The following PTPRD variants were observed in gnomAD, a reference collection of about 807,000 sequenced individuals.
PTPRD encodes the protein receptor-type tyrosine-protein phosphatase delta.
A neutral mutation model predicts 214.5 loss-of-function variants in PTPRD; 34 were observed. The ratio of observed to expected loss-of-function variants is 0.16; its 90% CI spans 0.12 to 0.21. The LOEUF (loss-of-function observed/expected upper bound fraction) is 0.21. Ranked by LOEUF, PTPRD falls within the 10% of genes least tolerant of loss-of-function variation. The pLI, the probability that PTPRD is intolerant of heterozygous loss-of-function variation, is 1.00. For missense variants in PTPRD, 2,545 were observed against 2,398.7 expected (o/e 1.06, Z -1.27); for synonymous variants, 1,128 against 845.7 (o/e 1.33, Z -5.79).
chr9:9,563,765 A>G (rs1591671562), intron 8 of PTPRD, among the ~76,000 whole-genome samples: 1 of 152,164 alleles, frequency 6.6e-6, no homozygotes, highest in South Asian at 2.1e-4. Flanking sequence ...TCATTAATAC[A>G]TTGGTATGCC....
intron 8 of PTPRD, among the ~76,000 whole-genome samples, chr9:9,556,437 C>T (rs2081527019): frequency 6.6e-6 from 1 of 152,056 alleles, no homozygotes; most frequent in Admixed American, 6.6e-5. Context: ...ACCTGCCAGT[C>T]CAAATCTTTA....
intron 2 of PTPRD, among the ~76,000 whole-genome samples, chr9:10,554,432 T>C (rs1255942353): frequency 1.3e-5 from 2 of 152,084 alleles, no homozygotes; most frequent in African/African-American, 2.4e-5. Flanking sequence ...ACTTAGAAAC[T>C]TTCAGAGTAA....
intron 9 of PTPRD, among the ~76,000 whole-genome samples, chr9:9,378,535 A>G (rs918812244): frequency 2.2e-4 from 33 of 152,138 alleles, no homozygotes; most frequent in African/African-American, 6.3e-4. Context: ...CATAAATACT[A>G]TGGAGATTGT....
At chr9:8,580,563 T>C (rs1198390597) in intron 14 of PTPRD, among the ~76,000 whole-genome samples, 5 of 152,198 alleles carry the variant, frequency 3.3e-5, no homozygotes, top group African/African-American at 1.2e-4. Flanking sequence ...GTCTGAACTA[T>C]CAGGGAAGTC....
chr9:9,482,997 C>G (rs578106441), intron 8 of PTPRD, among the ~76,000 whole-genome samples: 1 of 152,244 alleles, frequency 6.6e-6, no homozygotes, highest in East Asian at 1.9e-4. Flanking sequence ...GTTGATTTTT[C>G]TTCTCCATCT....
At chr9:9,138,690 G>T (rs960310516) in intron 10 of PTPRD, among the ~76,000 whole-genome samples, 8 of 152,090 alleles carry the variant, frequency 5.3e-5, no homozygotes, top group Non-Finnish European at 1.2e-4. Flanking sequence ...TGAACGTTAT[G>T]AGCAGTAATT....
intron 3 of PTPRD, among the ~76,000 whole-genome samples, chr9:10,283,276 C>T (rs2095217113): frequency 6.6e-6 from 1 of 152,122 alleles, no homozygotes; most frequent in Non-Finnish European, 1.5e-5. Flanking sequence ...CTGGTCCTTT[C>T]ATCCATAAGA....
At chr9:8,832,970 G>A (rs2097329892) in intron 11 of PTPRD, among the ~76,000 whole-genome samples, 1 of 151,934 alleles carries the variant, frequency 6.6e-6, no homozygotes, top group Non-Finnish European at 1.5e-5. Flanking sequence ...CTAGAAAGCT[G>A]TAACATGAAA....
At chr9:10,358,495 C>T (rs2097317697) in intron 2 of PTPRD, among the ~76,000 whole-genome samples, 2 of 151,738 alleles carry the variant, frequency 1.3e-5, no homozygotes, top group East Asian at 1.9e-4. Context: ...GTTTGGCACC[C>T]TAGTATTTAT....
At chr9:9,086,176 T>C (rs1179807453) in intron 10 of PTPRD, among the ~76,000 whole-genome samples, 2 of 152,222 alleles carry the variant, frequency 1.3e-5, no homozygotes, top group African/African-American at 4.8e-5. Flanking sequence ...TATACATTTT[T>C]CACTAAAGAT....
intron 7 of PTPRD, among the ~76,000 whole-genome samples, chr9:9,693,370 C>T (rs1204486170): frequency 1.3e-5 from 2 of 152,030 alleles, no homozygotes; most frequent in Non-Finnish European, 2.9e-5. Context: ...TATAGTTTTT[C>T]CTGTACTCTC....
At chr9:10,205,748 G>C (rs2099471101) in intron 3 of PTPRD, among the ~76,000 whole-genome samples, 1 of 152,022 alleles carries the variant, frequency 6.6e-6, no homozygotes, top group Non-Finnish European at 1.5e-5. Context: ...ATTGGTAATT[G>C]ATTTGAAATA....
chr9:9,358,729 A>C (rs1471565368), intron 9 of PTPRD, among the ~76,000 whole-genome samples: 6 of 151,366 alleles, frequency 4.0e-5, no homozygotes, highest in Non-Finnish European at 1.5e-5. Context: ...CATGTTGAGA[A>C]GGGCCTGCGC....
intron 4 of PTPRD, among the ~76,000 whole-genome samples, chr9:9,980,671 GA>G (rs920403748): frequency 1.0e-4 from 10 of 98,404 alleles, no homozygotes; most frequent in South Asian, 3.6e-4. Context: ...AAATTCTTAG[GA>G]AAAAAAAGTC....
rs542126855 is a variant in PTPRD at position 8,322,983 on chromosome 9, C to A, written c.5535-3017G>T. 9.2e-5 allele frequency among the ~76,000 whole-genome samples: 14 copies of A among 152,234 alleles called. 1 individual carries two copies. Among genetic ancestry groups the A allele is most frequent in the Admixed American group, 9.2e-4 (14 of 15,276 alleles). On this transcript the variant is annotated intron_variant, in intron 44 of 45. Coordinates refer to ENST00000381196, the MANE Select transcript of PTPRD (RefSeq NM_002839.4). ...TCAAGTGAAAGGAAGAGTTATACAT[C>A]TCTCATTTTAAGTCAAAAGCTTGAA...
intron 8 of PTPRD, among the ~76,000 whole-genome samples, chr9:9,534,541 T>C (rs2076139641): frequency 6.6e-6 from 1 of 152,118 alleles, no homozygotes; most frequent in Non-Finnish European, 1.5e-5. Context: ...TTTAAAATTA[T>C]ACACCAGTTA....
intron 11 of PTPRD, among the ~76,000 whole-genome samples, chr9:8,788,040 AC>A (rs2096064172): frequency 6.6e-6 from 1 of 152,290 alleles, no homozygotes; most frequent in South Asian, 2.1e-4. Context: ...TTAGTTACTT[AC>A]TTTTGTGAAA....
chr9:10,579,311 T>C (rs940605499), intron 2 of PTPRD, among the ~76,000 whole-genome samples: 1 of 152,124 alleles, frequency 6.6e-6, no homozygotes, highest in South Asian at 2.1e-4. Flanking sequence ...ATTGTTCCCA[T>C]CTTTATGTCC....
chr9:9,238,015 C>A (rs2099968034), intron 9 of PTPRD, among the ~76,000 whole-genome samples: 1 of 151,758 alleles, frequency 6.6e-6, no homozygotes, highest in South Asian at 2.1e-4. Context: ...CCCTTCAAGT[C>A]CCTTTCTCCT....
Sources: allele counts gnomAD v4.1 joint callset (sites outside exome capture counted in the v4.1 genomes callset), GRCh38; gene constraint gnomAD v4.1.1; transcripts MANE v1.5; gene names NCBI Gene and HGNC (gene_info 2026-07-23, HGNC 2026-07-21).